The following NRG1 variants were observed in gnomAD, a reference collection of about 807,000 sequenced individuals.
The protein encoded by NRG1 is neuregulin 1.
NRG1 carries 18 observed loss-of-function variants against 63.8 expected under a neutral mutation model. That is an observed-to-expected ratio of 0.28 (90% CI 0.19 to 0.42). The LOEUF (loss-of-function observed/expected upper bound fraction) is 0.42. Among genes scored for constraint, NRG1 ranks in the 10% least tolerant of loss-of-function variants. The pLI is 1.00. For missense variants in NRG1, 762 were observed against 814.7 expected, an observed-to-expected ratio of 0.94 and a Z score of 0.79; for synonymous variants, 302 against 301.3, an observed-to-expected ratio of 1.00 and a Z score of -0.02.
At chr8:31,957,598 A>T (rs566508898) in intron 1 of NRG1, among the ~76,000 whole-genome samples, 1 of 149,010 alleles carries the variant, frequency 6.7e-6, no homozygotes, top group South Asian at 2.1e-4. Context: ...TCAACATGTC[A>T]TTAATGTAAA....
intron 1 of NRG1, among the ~76,000 whole-genome samples, chr8:32,157,609 A>T (rs952176068): frequency 6.6e-6 from 1 of 151,514 alleles, no homozygotes; most frequent in Non-Finnish European, 1.5e-5. Flanking sequence ...CAGTAAGCAG[A>T]GATTGTGCCA....
intron 5 of NRG1, among the ~76,000 whole-genome samples, chr8:32,660,770 A>G (rs970920196): frequency 6.6e-6 from 1 of 152,174 alleles, no homozygotes; most frequent in Non-Finnish European, 1.5e-5. Context: ...GTGAGGATCA[A>G]ATGAGTTGGT....
At chr8:32,224,190 T>G (rs1333077400) in intron 1 of NRG1, among the ~76,000 whole-genome samples, 1 of 152,188 alleles carries the variant, frequency 6.6e-6, no homozygotes, top group African/African-American at 2.4e-5. Context: ...AGAATCTTGT[T>G]TACTGTGTCT....
chr8:32,625,834 G>A (rs1292696380), intron 5 of NRG1, among the ~76,000 whole-genome samples: 3 of 135,814 alleles, frequency 2.2e-5, no homozygotes, highest in East Asian at 2.1e-4. Flanking sequence ...TAGCTCCGTC[G>A]TCAGGCTGGA....
At chr8:32,458,410 A>C (rs1012944945) in intron 1 of NRG1, among the ~76,000 whole-genome samples, 20 of 152,192 alleles carry the variant, frequency 1.3e-4, no homozygotes, top group Non-Finnish European at 2.5e-4. Flanking sequence ...TTAGCTTTTC[A>C]TTCTCAAAGC....
intron 1 of NRG1, among the ~76,000 whole-genome samples, chr8:32,033,895 C>A (rs973350283): frequency 2.0e-5 from 3 of 152,152 alleles, no homozygotes; most frequent in African/African-American, 7.2e-5. Flanking sequence ...CATCTACAGA[C>A]AAAGACAATT....
At chr8:32,569,316 T>G (rs1385723707) in intron 1 of NRG1, among the ~76,000 whole-genome samples, 2 of 152,190 alleles carry the variant, frequency 1.3e-5, no homozygotes, top group Non-Finnish European at 2.9e-5. Context: ...CCCAAAGTGC[T>G]GGGATTACAG....
rs77806795 is a variant in NRG1 at position 32,038,082 on chromosome 8, G to A, written c.37+398651G>A. 1.5e-3 allele frequency among the ~76,000 whole-genome samples: 222 copies of A among 152,348 alleles called. 7 individuals carry two copies. In the East Asian group the frequency reaches 0.036, roughly 25 times the overall value. On this transcript the variant is annotated intron_variant, in intron 1 of 10. Coordinates refer to the NRG1 transcript ENST00000519301. ...CAAGTGGTCGCCCACCTGAGCAGCC[G>A]CTGTGAGCCTGCACAGCTCTGTGTT...
intron 1 of NRG1, among the ~76,000 whole-genome samples, chr8:32,403,888 C>T (rs1813574234): frequency 6.6e-6 from 1 of 152,148 alleles, no homozygotes; most frequent in Admixed American, 6.5e-5. Flanking sequence ...CCCTTCTCTC[C>T]CATCCCTGTC....
chr8:32,054,171 A>T (rs1386529085), intron 1 of NRG1, among the ~76,000 whole-genome samples: 1 of 152,150 alleles, frequency 6.6e-6, no homozygotes, highest in Non-Finnish European at 1.5e-5. Context: ...ATATATGGAA[A>T]TTCCCAATAC....
chr8:32,479,931 A>G (rs548487639), intron 1 of NRG1, among the ~76,000 whole-genome samples: 1 of 152,266 alleles, frequency 6.6e-6, no homozygotes, highest in African/African-American at 2.4e-5. Flanking sequence ...TACAGGTGTG[A>G]GCCACCACGC....
intron 1 of NRG1, among the ~76,000 whole-genome samples, chr8:32,449,690 A>C (rs16879425): frequency 0.12 from 18,500 of 152,254 alleles, 1,870 homozygotes; most frequent in East Asian, 0.63. Flanking sequence ...GAGTGGAAAT[A>C]TACTGTGGCA....
chr8:32,111,486 G>C (rs1469403483), intron 1 of NRG1, among the ~76,000 whole-genome samples: 2 of 152,120 alleles, frequency 1.3e-5, no homozygotes, highest in African/African-American at 4.8e-5. Context: ...TGTGTTGTCA[G>C]TATTCAAGTG....
At chr8:31,737,757 C>G (rs939131362) in intron 1 of NRG1, among the ~76,000 whole-genome samples, 1 of 152,170 alleles carries the variant, frequency 6.6e-6, no homozygotes, top group African/African-American at 2.4e-5. Flanking sequence ...GAAATTGTCC[C>G]TTAAGGTCTG....
chr8:32,294,973 T>C (rs568050889), intron 1 of NRG1, among the ~76,000 whole-genome samples: 2 of 152,286 alleles, frequency 1.3e-5, no homozygotes, highest in South Asian at 4.1e-4. Flanking sequence ...TTATAAAAAC[T>C]CTAGCAATTC....
At chr8:32,053,127 A>T (rs1032895475) in intron 1 of NRG1, among the ~76,000 whole-genome samples, 5 of 152,204 alleles carry the variant, frequency 3.3e-5, no homozygotes, top group Admixed American at 1.3e-4. Flanking sequence ...ATTGATGCAG[A>T]TCTATTTTGG....
In NRG1 at chr8:32,155,410, T is replaced by A. The variant is rs147657884; in HGVS notation, c.38-440418T>A. On this transcript the variant is annotated intron_variant, in intron 1 of 10. Coordinates refer to the NRG1 transcript ENST00000519301. ...GTTATTTACTGCCATAAATCTCATT[T>A]TTTTTCCAAGATGAAAGGGAGAATA... 1.2e-3 allele frequency among the ~76,000 whole-genome samples: 188 copies of A among 152,364 alleles called. 4 individuals are homozygous for A. In the East Asian group the frequency reaches 0.032, roughly 26 times the overall value.
At chr8:32,233,565 T>A (rs6981006) in intron 1 of NRG1, among the ~76,000 whole-genome samples, 505 of 19,504 alleles carry the variant, frequency 0.026, 7 homozygotes, top group East Asian at 0.13. Flanking sequence ...ATATATATAT[T>A]TTTTTTTTTT....
At chr8:32,336,471 C>T (rs1343169678) in intron 1 of NRG1, among the ~76,000 whole-genome samples, 2 of 152,030 alleles carry the variant, frequency 1.3e-5, no homozygotes, top group South Asian at 2.1e-4. Flanking sequence ...AATGAAAAGT[C>T]CTCATGGCAG....
Sources: gnomAD v4.1 joint callset for allele counts (sites outside exome capture counted in the v4.1 genomes callset) on GRCh38, gnomAD v4.1.1 for gene constraint, MANE v1.5 for transcripts, NCBI Gene and HGNC (gene_info 2026-07-23, HGNC 2026-07-21) for gene names.